Variants in ASPG observed in about 807,000 individuals in gnomAD.
The protein encoded by ASPG is asparaginase, also known as 60 kDa lysophospholipase.
A neutral mutation model predicts 63.2 loss-of-function variants in ASPG; 53 were observed. That is an observed-to-expected ratio of 0.84 (90% confidence interval 0.67 to 1.05). ASPG has a LOEUF of 1.05. ASPG is among the 50% of genes least tolerant of loss of function. ASPG has a pLI of 0.00. For synonymous variants in ASPG, 370 were observed against 355.0 expected (o/e 1.04, Z -0.48); for missense variants, 741 against 794.4 (o/e 0.93, Z 0.81).
rs550864691 is a variant in ASPG, at chr14:104,108,280, C to G, written c.1433+935C>G. ...GGGGGCGGGGCTGTGAGGGTCCCCCCGAGCAGGGCTGGGGTGATCCGGACT... is the reference window on the plus strand; with the variant it reads ...GGGGGCGGGGCTGTGAGGGTCCCCCGGAGCAGGGCTGGGGTGATCCGGACT... On this transcript the variant is annotated intron_variant, in intron 12 of 15. Coordinates refer to ENST00000551177, the MANE Select transcript of ASPG (RefSeq NM_001080464.3). 470 of 370,198 alleles carry G rather than the reference C, an allele frequency of 1.3e-3. 1 individual carries two copies. Among genetic ancestry groups the G allele is most frequent in the Non-Finnish European group, 1.3e-3 (350 of 267,820 alleles). 22.9% of individuals were successfully genotyped at this position (370,198 alleles called of 1,614,324 possible).
At chr14:104,088,785 C>T (rs991739808) in intron 1 of ASPG, among the ~76,000 whole-genome samples, 1 of 152,114 alleles carries the variant, frequency 6.6e-6, no homozygotes, top group East Asian at 1.9e-4. Flanking sequence ...GACAGTGGGG[C>T]CCATTGTCTT....
intron 1 of ASPG, among the ~76,000 whole-genome samples, chr14:104,089,921 C>G (rs2036317760): frequency 7.9e-6 from 1 of 126,654 alleles, no homozygotes; most frequent in South Asian, 2.6e-4. Context: ...GTACTCCAGC[C>G]TGGGCAACAG....
intron 6 of ASPG, among the ~76,000 whole-genome samples, chr14:104,099,935 T>G (rs1457415891): frequency 6.6e-6 from 1 of 152,202 alleles, no homozygotes; most frequent in African/African-American, 2.4e-5. Flanking sequence ...AAGCAGCTGT[T>G]CCTGTCTGGG....
In ASPG at chr14:104,104,739, C is replaced by A; in HGVS notation, c.1050+4C>A. On this transcript the variant is annotated splice_donor_region_variant and intron_variant, in intron 9 of 15. Transcript: ENST00000551177. The stretch of plus-strand genomic sequence containing the variant: ...GAGCCTGGATGTCAGGAAGGAGGTG[C>A]GGGCGCTCTCGGGCTGTGGGCAACC... The A allele has an allele frequency of 6.3e-7, 1 of 1,579,740 alleles. No individual in the cohort carries two copies. The highest frequency in any genetic ancestry group is 8.6e-7 in the Non-Finnish European group (1 of 1,158,844).
intron 12 of ASPG, chr14:104,108,289 C>T: frequency 6.6e-6 from 3 of 453,928 alleles, no homozygotes; most frequent in Non-Finnish European, 8.7e-6. Context: ...CCGAGCAGGG[C>T]TGGGGTGATC....
chr14:104,105,535 G>T, intron 10 of ASPG, 85 bp downstream of exon 10: 1 of 1,451,354 alleles, frequency 6.9e-7, no homozygotes. Context: ...GCAGGCACGA[G>T]CCCCTGTAGC....
chr14:104,087,206 C>T (rs1043646605), intron 1 of ASPG, among the ~76,000 whole-genome samples: 25 of 152,180 alleles, frequency 1.6e-4, no homozygotes, highest in Admixed American at 5.2e-4. Context: ...TCCAGGCTGC[C>T]GGGAGCCTCC....
At chr14:104,092,138 G>A (rs1029009654) in intron 1 of ASPG, among the ~76,000 whole-genome samples, 7 of 152,234 alleles carry the variant, frequency 4.6e-5, no homozygotes, top group Non-Finnish European at 1.0e-4. Flanking sequence ...TGTGGGAATA[G>A]CACTACAGCC....
At position 104,091,323 on chromosome 14, in the gene ASPG, G is replaced by A. The variant is rs57482608; in HGVS notation, c.83-1310G>A. ...GCTGGTGAATCCAGACCTTTGTTCC[G>A]GCAGCCCGTGTCCTGGCTGTGCTCT... is the stretch of plus-strand genomic sequence containing the variant. On this transcript the variant is annotated intron_variant, in intron 1 of 15. Coordinates refer to ENST00000551177, the MANE Select transcript of ASPG (RefSeq NM_001080464.3). This position sits in a 1 kb window ranked among gnomAD's most constrained non-coding sequence, Gnocchi z 6.4. Among the ~76,000 whole-genome samples the A allele has an allele frequency of 7.2e-4, 110 of 152,174 alleles. No homozygotes were observed. The highest frequency in any genetic ancestry group is 6.9e-3 in the Admixed American group (105 of 15,280).
In ASPG at chr14:104,115,258, T is replaced by G. The variant is rs1166927384; in HGVS notation, c.*2714T>G. On this transcript the variant is annotated 3_prime_UTR_variant, in exon 16 of 16. Transcript: ENST00000551177. The stretch of plus-strand genomic sequence containing the variant: ...TCCCCTTCTGGTCACACCTCAATAT[T>G]TCCTGCTGCTGGTGGGAACTGCAGG... 6.6e-6 allele frequency: 1 copy of G among 152,234 alleles called. No individual in the cohort carries two copies. Among genetic ancestry groups the G allele is most frequent in the Non-Finnish European group, 1.5e-5 (1 of 68,072 alleles). The allele number at this position is 152,234 out of a possible 1,614,324, so 9.4% of individuals were successfully genotyped here.
intron 6 of ASPG, 111 bp downstream of exon 6, chr14:104,099,090 T>G (rs2036758344): frequency 6.9e-7 from 1 of 1,458,468 alleles, no homozygotes; most frequent in Admixed American, 2.0e-5. Flanking sequence ...GCACCATGCT[T>G]GGTTCTGACT....
intron 9 of ASPG, 131 bp from the exon 10 acceptor site, chr14:104,105,197 T>C (rs1211621159): frequency 7.0e-7 from 1 of 1,425,236 alleles, no homozygotes; most frequent in African/African-American, 1.4e-5. Context: ...GCCCGAGGGA[T>C]GAAGCACACA....
rs951538900 is a variant in ASPG at position 104,113,364 on chromosome 14, C to G, written c.*820C>G. 6.6e-6 allele frequency: 1 copy of G among 152,430 alleles called. No individual in the cohort carries two copies. The highest frequency in any genetic ancestry group is 6.5e-5 in the Admixed American group (1 of 15,296). The allele number at this position is 152,430 out of a possible 1,614,324, so 9.4% of individuals were successfully genotyped here. On this transcript the variant is annotated 3_prime_UTR_variant, in exon 16 of 16. Transcript: ENST00000551177. ...GGCAGGTGGGCGGGTGGGGCGGGCC[C>G]TGCTGCTGCCCGGTGGGGGTGGTGC...
chr14:104,104,275 C>T (rs2037015401), intron 7 of ASPG, 29 bp from the exon 8 acceptor site: 2 of 1,593,962 alleles, frequency 1.3e-6, no homozygotes, highest in Non-Finnish European at 1.7e-6. Context: ...AGACCCTCAC[C>T]ATCCAGCCCC....
chr14:104,097,869 G>C (rs113100441), intron 5 of ASPG, among the ~76,000 whole-genome samples: 3 of 133,990 alleles, frequency 2.2e-5, no homozygotes, highest in African/African-American at 2.8e-5. Context: ...GAGGTTCTAC[G>C]TTAGAGATAC....
intron 10 of ASPG, among the ~76,000 whole-genome samples, chr14:104,106,317 G>A (rs972022855): frequency 2.0e-5 from 3 of 152,244 alleles, no homozygotes; most frequent in Admixed American, 6.5e-5. Context: ...TGCCAGGACC[G>A]CGGCCTTTTG....
Position 104,091,786 on chromosome 14 carries a change from A to G in ASPG, c.83-847A>G, listed in dbSNP as rs1596064891. 7.2e-6 allele frequency among the ~76,000 whole-genome samples: 1 copy of G among 138,650 alleles called. No individual in the cohort carries two copies. The highest frequency in any genetic ancestry group is 2.7e-5 in the African/African-American group (1 of 37,080). 91.0% of individuals were successfully genotyped at this position (138,650 alleles called of 152,430 possible). On this transcript the variant is annotated intron_variant, in intron 1 of 15. Transcript: ENST00000551177. This position sits in a 1 kb window ranked among gnomAD's most constrained non-coding sequence, Gnocchi z 6.4. ...GGTGACCATGGCTGGGATCTGCAGG[A>G]TAGGATGGGGCATTGCTGCTGGGGG...
chr14:104,112,644 G>A lies in ASPG; in HGVS notation c.*100G>A, dbSNP rs1032896251. ...CACTGCTGGGGCTGCTTCCCAGCCT[G>A]CTCTCATGTAAAGCCTGAAGGCCTT... On this transcript the variant is annotated 3_prime_UTR_variant, in exon 16 of 16. Transcript: ENST00000551177. 4 of 1,554,312 alleles carry A rather than the reference G, an allele frequency of 2.6e-6. No individual in the cohort carries two copies. In the African/African-American group the frequency reaches 5.4e-5, roughly 21 times the overall value.
At position 104,091,346 on chromosome 14, in the gene ASPG, T is replaced by C. The variant is rs936199946; in HGVS notation, c.83-1287T>C. The stretch of plus-strand genomic sequence containing the variant: ...CCGGCAGCCCGTGTCCTGGCTGTGC[T>C]CTGGGCGCCTCGGAGGGCAGACGGG... On this transcript the variant is annotated intron_variant, in intron 1 of 15. Coordinates refer to ENST00000551177, the MANE Select transcript of ASPG (RefSeq NM_001080464.3). This position sits in a 1 kb window ranked among gnomAD's most constrained non-coding sequence, Gnocchi z 6.4. Among the ~76,000 whole-genome samples the C allele has an allele frequency of 5.9e-5, 9 of 152,074 alleles. No homozygotes were observed. Among genetic ancestry groups the C allele is most frequent in the African/African-American group, 2.2e-4 (9 of 41,400 alleles).
Sources: allele counts gnomAD v4.1 joint callset (sites outside exome capture counted in the v4.1 genomes callset), GRCh38; gene constraint gnomAD v4.1.1; non-coding constraint Gnocchi (gnomAD v3.1); transcripts MANE v1.5; gene names NCBI Gene and HGNC (gene_info 2026-07-23, HGNC 2026-07-21).